Variants in MCM8 observed in about 807,000 individuals in gnomAD.
The protein encoded by MCM8 is minichromosome maintenance 8 homologous recombination repair factor, also known as DNA helicase MCM8.
A neutral mutation model predicts 98.9 loss-of-function variants in MCM8; 85 were observed. That is an observed-to-expected ratio of 0.86 (90% confidence interval 0.72 to 1.03). MCM8 has a LOEUF of 1.03. Ranked by LOEUF, MCM8 falls within the 50% of genes least tolerant of loss-of-function variation. The pLI, the probability that MCM8 is intolerant of heterozygous loss-of-function variation, is 0.00. For synonymous variants in MCM8, 352 were observed against 338.6 expected (o/e 1.04, Z -0.44); for missense variants, 951 against 997.8 (o/e 0.95, Z 0.63).
At position 5,950,717 on chromosome 20, in the gene MCM8, T is replaced by G; in HGVS notation, c.-312T>G. The G allele has an allele frequency of 3.7e-6, 1 of 267,914 alleles. No individual in the cohort carries two copies. The highest frequency in any genetic ancestry group is 7.2e-6 in the Non-Finnish European group (1 of 139,806). The allele number at this position is 267,914 out of a possible 1,614,324, so 16.6% of individuals were successfully genotyped here. ...TTTAGGGGAAGACCTGATTTTCGCT[T>G]GAGGCATTTTTGCGGCGCTGTGCGC... On this transcript the variant is annotated 5_prime_UTR_variant, in exon 1 of 19. Coordinates refer to ENST00000610722, the MANE Select transcript of MCM8 (RefSeq NM_032485.6).
At chr20:5,955,472 T>G (rs2088954065) in intron 5 of MCM8, among the ~76,000 whole-genome samples, 1 of 151,996 alleles carries the variant, frequency 6.6e-6, no homozygotes, top group Non-Finnish European at 1.5e-5. Flanking sequence ...AATGAAATAT[T>G]TACCTCCAAC....
intron 10 of MCM8, among the ~76,000 whole-genome samples, chr20:5,970,865 G>A (rs532366596): frequency 2.6e-5 from 4 of 152,086 alleles, no homozygotes; most frequent in African/African-American, 7.2e-5. Context: ...CTGGATTGCC[G>A]TGGCACAATC....
At chr20:5,969,317 C>T (rs1453727067) in intron 10 of MCM8, among the ~76,000 whole-genome samples, 1 of 152,138 alleles carries the variant, frequency 6.6e-6, no homozygotes, top group Non-Finnish European at 1.5e-5. Flanking sequence ...CTTGGCCAGG[C>T]ACAGTGGCTC....
intron 16 of MCM8, 54 bp from the exon 17 acceptor site, chr20:5,987,228 C>A: frequency 6.6e-7 from 1 of 1,524,180 alleles, no homozygotes; most frequent in Non-Finnish European, 9.0e-7. Flanking sequence ...CTTAGACATA[C>A]TATGGTAAAT....
rs888971029 is a variant in MCM8 at position 5,952,465 on chromosome 20, T to A, written c.190T>A (p.Ser64Thr). ...TTTGCTTTCAACAAAGACCCCACAG[T>A]CAATGCAGTCAACATTGGATCGATT... Reference protein sequence around the residue: ...QFLLSTKTPQSMQSTLDRFIP... With the variant: ...QFLLSTKTPQTMQSTLDRFIP... Residue 64 changes from serine to threonine, a missense_variant, in exon 3 of 19, where the codon TCA becomes ACA. Coordinates refer to ENST00000610722, the MANE Select transcript of MCM8 (RefSeq NM_032485.6). 6.2e-7 allele frequency: 1 copy of A among 1,614,098 alleles called. No homozygotes were observed. The highest frequency in any genetic ancestry group is 8.5e-7 in the Non-Finnish European group (1 of 1,180,004).
At chr20:5,983,437 T>C (rs923497225) in intron 14 of MCM8, among the ~76,000 whole-genome samples, 5 of 152,226 alleles carry the variant, frequency 3.3e-5, no homozygotes, top group Admixed American at 1.3e-4. Flanking sequence ...GGGTGGCTTA[T>C]GCCTGTAATC....
intron 8 of MCM8, among the ~76,000 whole-genome samples, chr20:5,966,111 T>C (rs1398767593): frequency 6.6e-6 from 1 of 152,166 alleles, no homozygotes; most frequent in Non-Finnish European, 1.5e-5. Flanking sequence ...TATTTGGTTT[T>C]AATTTTCTCT....
At chr20:5,962,782 T>TTC (rs2089182157) in intron 7 of MCM8, among the ~76,000 whole-genome samples, 1 of 152,228 alleles carries the variant, frequency 6.6e-6, no homozygotes, top group Non-Finnish European at 1.5e-5. Context: ...TTATAAATGC[T>TTC]TCTTGAGATC....
intron 3 of MCM8, among the ~76,000 whole-genome samples, chr20:5,953,578 A>G (rs909069474): frequency 6.6e-6 from 1 of 151,626 alleles, no homozygotes; most frequent in African/African-American, 2.4e-5. Context: ...GGTTCACGCC[A>G]TTCTCCTGCC....
intron 3 of MCM8, 79 bp from the exon 4 acceptor site, chr20:5,954,529 A>G: frequency 2.7e-6 from 2 of 751,010 alleles, no homozygotes; most frequent in African/African-American, 1.7e-5. Flanking sequence ...TACCATGTAT[A>G]TAGTGCTGCT....
At chr20:5,951,639 C>T (rs1053796192) in intron 1 of MCM8, among the ~76,000 whole-genome samples, 1 of 152,050 alleles carries the variant, frequency 6.6e-6, no homozygotes, top group African/African-American at 2.4e-5. Flanking sequence ...CCTGTCCTGC[C>T]CTATAATAAG....
chr20:5,972,869 A>C (rs549783595), intron 11 of MCM8, 187 bp from the exon 12 acceptor site: 3 of 1,354,150 alleles, frequency 2.2e-6, no homozygotes, highest in South Asian at 3.1e-5. Context: ...TATGTTTTCA[A>C]GTTTTTACTT....
In MCM8 at chr20:5,972,019, T is replaced by A; in HGVS notation, c.1236T>A (p.Pro412=). 6.2e-7 allele frequency: 1 copy of A among 1,611,800 alleles called. No individual in the cohort carries two copies. The highest frequency in any genetic ancestry group is 8.5e-7 in the Non-Finnish European group (1 of 1,178,784). ...LFKLIVNSLC[P]VIFGHELVKA... ...TTCTGTTTTTCAGCTCGCTTTGCCC[T>A]GTCATTTTTGGTCATGAAGTAAGTA... Residue 412 remains proline (P), a synonymous_variant, in exon 11 of 19, where the codon CCT becomes CCA. Coordinates refer to ENST00000610722, the MANE Select transcript of MCM8 (RefSeq NM_032485.6).
At chr20:5,957,381 T>C (rs1388076654) in intron 6 of MCM8, 152 bp downstream of exon 6, 1 of 547,316 alleles carries the variant, frequency 1.8e-6, no homozygotes, top group Non-Finnish European at 3.2e-6. Context: ...AATAAACTCA[T>C]TGAAAATTAT....
chr20:5,988,849 C>G (rs1189376566), intron 17 of MCM8, among the ~76,000 whole-genome samples: 2 of 141,772 alleles, frequency 1.4e-5, no homozygotes, highest in Non-Finnish European at 3.3e-5. Flanking sequence ...GGTGTCAGAA[C>G]CAGGTGGTTT....
chr20:5,964,362 A>G (rs1199395854), intron 8 of MCM8, among the ~76,000 whole-genome samples: 1 of 152,174 alleles, frequency 6.6e-6, no homozygotes, highest in African/African-American at 2.4e-5. Flanking sequence ...TCCCTGAAAA[A>G]TTAAGACCAA....
chr20:5,953,564 C>A (rs2088890246), intron 3 of MCM8, among the ~76,000 whole-genome samples: 1 of 151,976 alleles, frequency 6.6e-6, no homozygotes, highest in Non-Finnish European at 1.5e-5. Context: ...AGCTCTGCCT[C>A]CCAGGTTCAC....
intron 7 of MCM8, among the ~76,000 whole-genome samples, chr20:5,961,766 G>A (rs146549069): frequency 2.7e-3 from 415 of 152,258 alleles, no homozygotes; most frequent in African/African-American, 9.5e-3. Context: ...TATTTGTTCA[G>A]GGTATTTTCA....
intron 14 of MCM8, among the ~76,000 whole-genome samples, chr20:5,983,939 G>T (rs1431621705): frequency 1.3e-5 from 2 of 152,228 alleles, no homozygotes; most frequent in Non-Finnish European, 2.9e-5. Context: ...AGACTGTAGT[G>T]ATTATGAGAA....
Sources: gnomAD v4.1 joint callset for allele counts (sites outside exome capture counted in the v4.1 genomes callset) on GRCh38, gnomAD v4.1.1 for gene constraint, MANE v1.5 for transcripts, NCBI Gene and HGNC (gene_info 2026-07-23, HGNC 2026-07-21) for gene names.